The following CDC42SE2 variants were observed in gnomAD, a reference collection of about 807,000 sequenced individuals.
CDC42SE2 encodes the protein CDC42 small effector protein 2.
A neutral mutation model predicts 11.5 loss-of-function variants in CDC42SE2; 3 were observed. The ratio of observed to expected loss-of-function variants is 0.26; its 90% CI spans 0.12 to 0.67. CDC42SE2 has a LOEUF of 0.67. Ranked by LOEUF, CDC42SE2 falls within the 30% of genes least tolerant of loss-of-function variation. The pLI is 0.80. For missense variants in CDC42SE2, 82 were observed against 106.8 expected (o/e 0.77, Z 1.02); for synonymous variants, 33 against 34.8 (o/e 0.95, Z 0.18).
intron 2 of CDC42SE2, among the ~76,000 whole-genome samples, chr5:131,334,586 A>G (rs911970048): frequency 6.6e-6 from 1 of 152,078 alleles, no homozygotes; most frequent in African/African-American, 2.4e-5. Context: ...CTGTGAATCT[A>G]TGTGGTCCTG....
At chr5:131,212,300 G>T in the CDC42SE2 span, among the ~76,000 whole-genome samples, 1 of 152,072 alleles carries the variant, frequency 6.6e-6, no homozygotes, top group East Asian at 1.9e-4. Flanking sequence ...CAGAGACGGG[G>T]TTTTACTGTA....
At chr5:131,268,754 CTTTTTTTTTTT>C (rs11370516) in intron 1 of CDC42SE2, among the ~76,000 whole-genome samples, 7 of 96,892 alleles carry the variant, frequency 7.2e-5, no homozygotes, top group Non-Finnish European at 1.3e-4. Context: ...ACCCGGATTG[CTTTTTTTTTTT>C]TTTTTTTTTT....
At chr5:131,336,447 T>C (rs1758564508) in intron 2 of CDC42SE2, among the ~76,000 whole-genome samples, 1 of 152,202 alleles carries the variant, frequency 6.6e-6, no homozygotes, top group Non-Finnish European at 1.5e-5. Flanking sequence ...CAATTACGTG[T>C]CTTGGAGTTG....
chr5:131,353,825 T>C (rs907449877), intron 2 of CDC42SE2, among the ~76,000 whole-genome samples: 17 of 152,006 alleles, frequency 1.1e-4, no homozygotes, highest in African/African-American at 3.9e-4. Context: ...GGCATGAGAA[T>C]TGTTTGAACC....
the CDC42SE2 span, among the ~76,000 whole-genome samples, chr5:131,233,013 C>A: frequency 2.0e-5 from 3 of 151,864 alleles, no homozygotes; most frequent in African/African-American, 7.2e-5. Flanking sequence ...CTGTCCCTTG[C>A]TTCCAAGATC....
At chr5:131,340,959 G>A (rs1009183302) in intron 2 of CDC42SE2, among the ~76,000 whole-genome samples, 1 of 152,118 alleles carries the variant, frequency 6.6e-6, no homozygotes, top group Non-Finnish European at 1.5e-5. Flanking sequence ...TTACAGGCAC[G>A]AACCACCATG....
At position 131,284,870 on chromosome 5, in the gene CDC42SE2, T is replaced by C. The variant is rs148140703; in HGVS notation, c.-455+20704T>C. Among the ~76,000 whole-genome samples the C allele has an allele frequency of 3.1e-3, 470 of 152,196 alleles. 3 individuals are homozygous for C. The highest frequency in any genetic ancestry group is 0.011 in the African/African-American group (448 of 41,508). On this transcript the variant is annotated intron_variant, in intron 1 of 4. Transcript: ENST00000505065. ...AAAGAATAGTTTTTTTAAATGATAA[T>C]AGAGGTTGCCTATGGTGGTGTGCGC...
intron 2 of CDC42SE2, among the ~76,000 whole-genome samples, chr5:131,316,490 G>A (rs1305181342): frequency 6.6e-6 from 1 of 152,190 alleles, no homozygotes; most frequent in Non-Finnish European, 1.5e-5. Context: ...CTTAGTTGTG[G>A]TAGGTCTCAT....
At chr5:131,339,520 C>T (rs1409865452) in intron 2 of CDC42SE2, among the ~76,000 whole-genome samples, 1 of 151,872 alleles carries the variant, frequency 6.6e-6, no homozygotes. Context: ...TGAAAATTAT[C>T]ATTTGGCCAA....
chr5:131,278,325 A>T (rs1463360818), intron 1 of CDC42SE2, among the ~76,000 whole-genome samples: 6 of 152,138 alleles, frequency 3.9e-5, no homozygotes, highest in African/African-American at 1.4e-4. Flanking sequence ...AATAATTTAA[A>T]ATGTCAAAAG....
At chr5:131,248,927 T>C (rs1016738180) in intron 1 of CDC42SE2, among the ~76,000 whole-genome samples, 1 of 151,234 alleles carries the variant, frequency 6.6e-6, no homozygotes, top group African/African-American at 2.4e-5. Flanking sequence ...TTAAAATTCC[T>C]ACAAGAGCTT....
chr5:131,229,801 G>A, the CDC42SE2 span, among the ~76,000 whole-genome samples: 2 of 152,148 alleles, frequency 1.3e-5, no homozygotes, highest in African/African-American at 4.8e-5. Context: ...ACGCATGGTG[G>A]CACGAGCCTG....
At chr5:131,363,713 T>TTTTA (rs1749777180) in intron 3 of CDC42SE2, among the ~76,000 whole-genome samples, 1 of 143,140 alleles carries the variant, frequency 7.0e-6, no homozygotes, top group African/African-American at 2.7e-5. Flanking sequence ...TTTTTTTTTT[T>TTTTA]GAGAAGGAGT....
intron 1 of CDC42SE2, among the ~76,000 whole-genome samples, chr5:131,315,164 C>A (rs530034252): frequency 7.9e-5 from 12 of 151,874 alleles, no homozygotes; most frequent in African/African-American, 2.9e-4. Flanking sequence ...AGGTTGGACA[C>A]GTTAGATTTT....
intron 1 of CDC42SE2, among the ~76,000 whole-genome samples, chr5:131,314,678 G>A (rs1313352398): frequency 1.9e-4 from 29 of 151,976 alleles, no homozygotes; most frequent in Admixed American, 1.8e-3. Flanking sequence ...TCCTAATTTC[G>A]TTATCAGAGT....
chr5:131,307,894 G>A (rs1293040152), intron 1 of CDC42SE2, among the ~76,000 whole-genome samples: 3 of 152,076 alleles, frequency 2.0e-5, no homozygotes, highest in Non-Finnish European at 2.9e-5. Context: ...CATATCCTTC[G>A]CCCACTTTTT....
chr5:131,324,702 A>G (rs17167011), intron 2 of CDC42SE2, among the ~76,000 whole-genome samples: 4,880 of 152,258 alleles, frequency 0.032, 204 homozygotes, highest in African/African-American at 0.096. Flanking sequence ...TAAAAAGTCC[A>G]AAAGCTCATA....
chr5:131,272,456 T>C (rs1279597068), intron 1 of CDC42SE2, among the ~76,000 whole-genome samples: 1 of 152,144 alleles, frequency 6.6e-6, no homozygotes, highest in Non-Finnish European at 1.5e-5. Flanking sequence ...ATGTTAAAAA[T>C]GAAAGCGATC....
intron 1 of CDC42SE2, among the ~76,000 whole-genome samples, chr5:131,308,339 T>A (rs991047383): frequency 3.9e-5 from 6 of 151,994 alleles, no homozygotes; most frequent in African/African-American, 1.4e-4. Flanking sequence ...GCTGTTTTGG[T>A]TACTGTAGCC....
Sources: allele counts gnomAD v4.1 joint callset (sites outside exome capture counted in the v4.1 genomes callset), GRCh38; gene constraint gnomAD v4.1.1; transcripts MANE v1.5; gene names NCBI Gene and HGNC (gene_info 2026-07-23, HGNC 2026-07-21).